The following CEP128 variants were observed in gnomAD, a reference collection of about 807,000 sequenced individuals.
CEP128 encodes centrosomal protein 128kDa.
CEP128 carries 132 observed loss-of-function variants against 156.7 expected under a neutral mutation model. The ratio of observed to expected loss-of-function variants is 0.84; its 90% CI spans 0.73 to 0.97. The LOEUF (loss-of-function observed/expected upper bound fraction) is 0.97, where lower values mean the gene tolerates loss of function less well. CEP128 is among the 50% of genes least tolerant of loss of function. CEP128 has a pLI of 0.00. For missense variants in CEP128, 1,252 were observed against 1,281.9 expected, an observed-to-expected ratio of 0.98 and a Z score of 0.36; for synonymous variants, 469 against 448.9, an observed-to-expected ratio of 1.04 and a Z score of -0.57.
At chr14:80,799,070 G>A (rs1883667878) in intron 13 of CEP128, among the ~76,000 whole-genome samples, 1 of 152,208 alleles carries the variant, frequency 6.6e-6, no homozygotes, top group African/African-American at 2.4e-5. Context: ...TAGGAAGACA[G>A]TGGCATATCA....
Position 80,757,666 on chromosome 14 carries a change from G to A in CEP128, c.2554-715C>T, listed in dbSNP as rs1899736232. Among the ~76,000 whole-genome samples, 3 of 152,216 alleles carry A rather than the reference G, an allele frequency of 2.0e-5. No homozygotes were observed. The South Asian group carries it at 6.2e-4, about 32-fold the overall frequency. On this transcript the variant is annotated intron_variant, in intron 17 of 24. Coordinates refer to ENST00000555265, the MANE Select transcript of CEP128 (RefSeq NM_152446.5). ...ACTCTGTGCTACAAATAATATTTTT[G>A]AAGACCTCTTTCTCAAATTTGCCTG...
At chr14:80,804,142 T>G (rs1156828076) in intron 13 of CEP128, among the ~76,000 whole-genome samples, 1 of 151,750 alleles carries the variant, frequency 6.6e-6, no homozygotes, top group African/African-American at 2.4e-5. Flanking sequence ...TTTTAAATAA[T>G]TAAAAGTTTT....
chr14:80,552,520 G>A (rs1890252283), intron 21 of CEP128, among the ~76,000 whole-genome samples: 1 of 152,000 alleles, frequency 6.6e-6, no homozygotes, highest in Admixed American at 6.6e-5. Context: ...CTTTTAAAAC[G>A]TTCTACTAAC....
intron 19 of CEP128, among the ~76,000 whole-genome samples, chr14:80,606,194 A>C (rs1195876536): frequency 1.3e-5 from 2 of 152,112 alleles, no homozygotes; most frequent in Non-Finnish European, 2.9e-5. Context: ...TCATATTAAC[A>C]CTGGCCACAT....
Position 80,900,843 on chromosome 14 carries a change from C to A in CEP128, c.481-814G>T, listed in dbSNP as rs117933420. Among the ~76,000 whole-genome samples the A allele has an allele frequency of 8.3e-3, 1,264 of 152,186 alleles. 14 individuals are homozygous for A. Among genetic ancestry groups the A allele is most frequent in the Non-Finnish European group, 0.01 (684 of 68,000 alleles). ...AAAGTAAAAAAATTGTTTTTTAAAG[C>A]AGAAACAGTGTCAGGATATGTATGA... On this transcript the variant is annotated intron_variant, in intron 6 of 24. Transcript: ENST00000555265.
intron 19 of CEP128, among the ~76,000 whole-genome samples, chr14:80,586,985 T>C (rs916500070): frequency 2.0e-5 from 3 of 152,154 alleles, no homozygotes; most frequent in African/African-American, 4.8e-5. Flanking sequence ...AGTTAATATA[T>C]GTAAAACATT....
intron 19 of CEP128, among the ~76,000 whole-genome samples, chr14:80,605,360 A>G (rs938852212): frequency 6.6e-6 from 1 of 152,092 alleles, no homozygotes; most frequent in Admixed American, 6.6e-5. Flanking sequence ...TTCTTAGTTT[A>G]AATAATTATT....
intron 19 of CEP128, among the ~76,000 whole-genome samples, chr14:80,597,038 C>A: frequency 1.3e-5 from 2 of 149,496 alleles, no homozygotes; most frequent in African/African-American, 4.9e-5. Flanking sequence ...AACCAGCAAG[C>A]AGAAGTAATA....
chr14:80,916,381 G>A lies in CEP128; in HGVS notation c.147+20C>T, dbSNP rs777639702. On this transcript the variant is annotated intron_variant, in intron 3 of 24. Transcript: ENST00000555265. ...TCAAACTATTTAAATTCTATTAAAT[G>A]CAACCATTGTTAAACTAACCTGTAA... 2.6e-5 allele frequency: 42 copies of A among 1,594,260 alleles called. No homozygotes were observed. The highest frequency in any genetic ancestry group is 3.5e-5 in the Non-Finnish European group (41 of 1,166,120).
chr14:80,495,855 G>A (rs377754889), downstream of CEP128, among the ~76,000 whole-genome samples: 1 of 152,064 alleles, frequency 6.6e-6, no homozygotes, highest in African/African-American at 2.4e-5. Context: ...TATTTAGGAC[G>A]AAGGAGATAA....
In CEP128 at chr14:80,805,671, ATT is replaced by A. The variant is rs1884135031; in HGVS notation, c.1210-12563_1210-12562del. Among the ~76,000 whole-genome samples the A allele has an allele frequency of 1.1e-4, 17 of 152,276 alleles. No individual in the cohort carries two copies. In the South Asian group the frequency reaches 3.5e-3, roughly 32 times the overall value. On this transcript the variant is annotated intron_variant, in intron 13 of 24. Coordinates refer to ENST00000555265, the MANE Select transcript of CEP128 (RefSeq NM_152446.5). Reference sequence around the variant, plus strand: ...ATGCTTGCATGTCTTGATGAACTTAATTTATTCATTTCAGTATAATTTGAGTG... The same window carrying A: ...ATGCTTGCATGTCTTGATGAACTTAATATTCATTTCAGTATAATTTGAGTG...
downstream of CEP128, among the ~76,000 whole-genome samples, chr14:80,488,295 C>G (rs1412687269): frequency 1.6e-5 from 2 of 127,568 alleles, no homozygotes; most frequent in Non-Finnish European, 3.5e-5. Context: ...AAGAAAAAAA[C>G]AAACAACCCC....
At chr14:80,657,501 A>G (rs1895225993) in intron 19 of CEP128, among the ~76,000 whole-genome samples, 1 of 151,934 alleles carries the variant, frequency 6.6e-6, no homozygotes, top group Non-Finnish European at 1.5e-5. Context: ...AAATACAAAA[A>G]TTAGCCAGAA....
At chr14:80,533,499 G>A (rs995835456) in intron 21 of CEP128, among the ~76,000 whole-genome samples, 3 of 152,056 alleles carry the variant, frequency 2.0e-5, no homozygotes, top group African/African-American at 7.2e-5. Context: ...TCAACCAGGC[G>A]ACTACATGAA....
chr14:80,867,802 G>T (rs980630495), intron 8 of CEP128, among the ~76,000 whole-genome samples: 2 of 152,134 alleles, frequency 1.3e-5, no homozygotes, highest in Admixed American at 6.5e-5. Context: ...TTTACTTAAA[G>T]AAATAATAGC....
chr14:80,804,976 T>C (rs1169473109), intron 13 of CEP128, among the ~76,000 whole-genome samples: 1 of 152,112 alleles, frequency 6.6e-6, no homozygotes, highest in Non-Finnish European at 1.5e-5. Flanking sequence ...CAAGTTCCTG[T>C]TCTTCAACTA....
intron 19 of CEP128, among the ~76,000 whole-genome samples, chr14:80,709,405 T>A (rs1897325310): frequency 6.6e-6 from 1 of 152,166 alleles, no homozygotes; most frequent in African/African-American, 2.4e-5. Flanking sequence ...CCCAAAGTGG[T>A]GGGATTACAG....
rs550335073 is a variant in CEP128, at chr14:80,514,407, A to AT, written c.3073-9388dup. 1.4e-3 allele frequency among the ~76,000 whole-genome samples: 217 copies of AT among 151,118 alleles called. 1 individual carries two copies. The highest frequency in any genetic ancestry group is 5.0e-3 in the African/African-American group (204 of 40,972). On this transcript the variant is annotated intron_variant, in intron 23 of 24. Coordinates refer to ENST00000555265, the MANE Select transcript of CEP128 (RefSeq NM_152446.5). ...TTTCTAGATCTTATAGGTGTACTTC[A>AT]TTATTTTTTTTTTTGTCTCCTCTGA...
At chr14:80,901,205 C>CA (rs1045146086) in intron 6 of CEP128, among the ~76,000 whole-genome samples, 90 of 138,908 alleles carry the variant, frequency 6.5e-4, no homozygotes, top group Middle Eastern at 8.3e-3. Context: ...GACTCCGTCT[C>CA]AAAAAAAAAA....
Sources: allele counts gnomAD v4.1 joint callset (sites outside exome capture counted in the v4.1 genomes callset), GRCh38; gene constraint gnomAD v4.1.1; transcripts MANE v1.5; gene names NCBI Gene and HGNC (gene_info 2026-07-23, HGNC 2026-07-21).